The following FARP2 variants were observed in gnomAD, a reference collection of about 807,000 sequenced individuals.
The protein encoded by FARP2 is FERM, ARHGEF and pleckstrin domain-containing protein 2.
FARP2 carries 111 observed loss-of-function variants against 130.5 expected under a neutral mutation model. The observed-to-expected ratio is 0.85, with a 90% CI of 0.73 to 1.00. FARP2 has a LOEUF of 1.00. Ranked by LOEUF, FARP2 falls within the 50% of genes least tolerant of loss-of-function variation. The pLI, the probability that FARP2 is intolerant of heterozygous loss-of-function variation, is 0.00. For synonymous variants in FARP2, 504 were observed against 516.9 expected (o/e 0.98, Z 0.34); for missense variants, 1,385 against 1,346.3 (o/e 1.03, Z -0.45).
At chr2:241,476,113 C>G in intron 19 of FARP2, 126 bp downstream of exon 19, 1 of 766,892 alleles carries the variant, frequency 1.3e-6, no homozygotes, top group Non-Finnish European at 2.0e-6. Context: ...TGGCTCATAC[C>G]TGTAATCTGA....
chr2:241,406,771 AT>A, intron 4 of FARP2, among the ~76,000 whole-genome samples: 1 of 149,812 alleles, frequency 6.7e-6, no homozygotes. Flanking sequence ...GCCTATTTAA[AT>A]TTTTTAATGT....
rs1177173874 is a variant in FARP2, at chr2:241,484,267, G to T, written c.2357G>T (p.Ser786Ile). 3.1e-6 allele frequency: 5 copies of T among 1,614,198 alleles called. No homozygotes were observed. The East Asian group carries it at 1.1e-4, about 36-fold the overall frequency. Residue 786 changes from serine to isoleucine, a missense_variant, in exon 21 of 27, where the codon AGC becomes ATC. Transcript: ENST00000264042. ...FLFSDMLLYTSKGVAGTSHFR... is the reference protein window; with the variant it reads ...FLFSDMLLYTIKGVAGTSHFR... ...TTCTCAGATATGTTGCTGTACACAA[G>T]CAAAGGAGTTGCAGGGACCAGCCAC...
chr2:241,493,596 TG>T (rs1446646168), intron 26 of FARP2, 152 bp downstream of exon 26: 44 of 622,494 alleles, frequency 7.1e-5, no homozygotes, highest in South Asian at 2.0e-4. Flanking sequence ...AGCAATGCTT[TG>T]TTTTTTTTTT....
At chr2:241,449,595 T>G (rs1340393374) in intron 13 of FARP2, among the ~76,000 whole-genome samples, 2 of 152,158 alleles carry the variant, frequency 1.3e-5, no homozygotes, top group Non-Finnish European at 2.9e-5. Context: ...AAGGGAAAAG[T>G]GAAGGTAAGC....
At chr2:241,366,395 A>C (rs903912945) in intron 1 of FARP2, among the ~76,000 whole-genome samples, 1 of 151,884 alleles carries the variant, frequency 6.6e-6, no homozygotes, top group African/African-American at 2.4e-5. Flanking sequence ...TAAAATCAGG[A>C]TACCAGGTTG....
chr2:241,434,746 G>A (rs1559765998), intron 10 of FARP2, among the ~76,000 whole-genome samples: 1 of 152,120 alleles, frequency 6.6e-6, no homozygotes, highest in African/African-American at 2.4e-5. Flanking sequence ...CAGCTACTCG[G>A]GAGGCTGAGG....
chr2:241,447,729 G>A (rs1386487185), intron 13 of FARP2, among the ~76,000 whole-genome samples: 2 of 152,150 alleles, frequency 1.3e-5, no homozygotes, highest in Admixed American at 6.5e-5. Flanking sequence ...GCCAACACGA[G>A]TTTCTGCTGC....
At chr2:241,403,761 A>G in intron 2 of FARP2, 67 bp from the exon 3 acceptor site, 1 of 920,518 alleles carries the variant, frequency 1.1e-6, no homozygotes, top group Non-Finnish European at 1.7e-6. Flanking sequence ...TTTTATGCAC[A>G]GTTTTCATAA....
At chr2:241,432,012 G>GT (rs1295711027) in intron 9 of FARP2, among the ~76,000 whole-genome samples, 2 of 151,938 alleles carry the variant, frequency 1.3e-5, no homozygotes, top group Non-Finnish European at 2.9e-5. Context: ...TAGAGACAGG[G>GT]TTTCTCCATG....
intron 12 of FARP2, among the ~76,000 whole-genome samples, chr2:241,439,959 A>AAAATAAATAAAT (rs781346727): frequency 6.6e-6 from 1 of 152,164 alleles, no homozygotes; most frequent in African/African-American, 2.4e-5. Flanking sequence ...CTTCATCTCA[A>AAAATAAATAAAT]AAATAAATAA....
chr2:241,494,190 C>A lies in FARP2; in HGVS notation c.*65C>A. The A allele has an allele frequency of 1.0e-6, 1 of 982,214 alleles. No individual in the cohort carries two copies. The highest frequency in any genetic ancestry group is 1.4e-6 in the Non-Finnish European group (1 of 690,160). The allele number at this position is 982,214 out of a possible 1,614,324, so 60.8% of individuals were successfully genotyped here. ...AGCAGGACACAGAGGTGACCTCTGT[C>A]CTGAGGCTTCTCAACAGATGGGAAG... On this transcript the variant is annotated 3_prime_UTR_variant, in exon 27 of 27. Transcript: ENST00000264042. This position sits in a 1 kb window ranked among gnomAD's most constrained non-coding sequence, Gnocchi z 4.9.
Position 241,460,411 on chromosome 2 carries a change from G to A in FARP2, c.1588-2112G>A, listed in dbSNP as rs191223415. ...ATCCTCCCAACTCAGGCTCCCAGGA[G>A]CTGGGATTACAGGTGTGACCACCTG... On this transcript the variant is annotated intron_variant, in intron 14 of 26. Transcript: ENST00000264042. Among the ~76,000 whole-genome samples, 42 of 152,068 alleles carry A rather than the reference G, an allele frequency of 2.8e-4. No homozygotes were observed. The East Asian group carries it at 7.2e-3, about 26-fold the overall frequency.
At chr2:241,437,580 C>G (rs182531069) in intron 12 of FARP2, among the ~76,000 whole-genome samples, 5,638 of 152,056 alleles carry the variant, frequency 0.037, 374 homozygotes, top group African/African-American at 0.13. Context: ...ATTCTCATTC[C>G]TCAGCCTCCC....
At chr2:241,453,782 T>TTTTTG (rs2063756318) in intron 13 of FARP2, among the ~76,000 whole-genome samples, 1 of 116,410 alleles carries the variant, frequency 8.6e-6, no homozygotes, top group East Asian at 2.7e-4. Flanking sequence ...TTTTTTTTTT[T>TTTTTG]TTTTTTTTTT....
intron 21 of FARP2, among the ~76,000 whole-genome samples, chr2:241,487,080 G>A (rs987417522): frequency 2.0e-5 from 3 of 152,230 alleles, no homozygotes; most frequent in Non-Finnish European, 4.4e-5. Flanking sequence ...CCATTGGTCT[G>A]TGAGTTTTTT....
chr2:241,413,276 A>C, intron 6 of FARP2, 31 bp from the exon 7 acceptor site: 1 of 1,370,708 alleles, frequency 7.3e-7, no homozygotes, highest in Non-Finnish European at 1.0e-6. Flanking sequence ...GTTTATTTAA[A>C]AATTAGTTAC....
intron 7 of FARP2, among the ~76,000 whole-genome samples, chr2:241,416,459 G>GT (rs562972233): frequency 5.3e-5 from 8 of 150,772 alleles, no homozygotes; most frequent in African/African-American, 1.7e-4. Flanking sequence ...AATCCTTCAG[G>GT]TTTTTTTTTA....
chr2:241,463,375 C>T lies in FARP2; in HGVS notation c.1718C>T (p.Ala573Val), dbSNP rs570188607. The stretch of plus-strand genomic sequence containing the variant: ...GTGGTGAAGGAGGACGCCATGCCTG[C>T]GACTCTGATGACGCTGCTCTTCTCC... ...SAVVKEDAMP[A>V]TLMTLLFSNI... Residue 573 changes from alanine (A) to valine (V), a missense_variant, in exon 16 of 27, where the codon GCG becomes GTG. By Grantham distance (64) the Ala-to-Val change is moderately conservative. Transcript: ENST00000264042. The T allele has an allele frequency of 2.4e-5, 38 of 1,614,090 alleles. No individual in the cohort carries two copies. The highest frequency in any genetic ancestry group is 1.5e-4 in the African/African-American group (11 of 75,050).
chr2:241,431,820 T>G, intron 9 of FARP2, 46 bp downstream of exon 9: 2 of 685,222 alleles, frequency 2.9e-6, no homozygotes, highest in East Asian at 4.0e-5. Context: ...TTTTATTTAT[T>G]TATTTATTTA....
Sources: gnomAD v4.1 joint callset for allele counts (sites outside exome capture counted in the v4.1 genomes callset) on GRCh38, gnomAD v4.1.1 for gene constraint, Gnocchi (gnomAD v3.1) non-coding constraint, MANE v1.5 for transcripts, NCBI Gene and HGNC (gene_info 2026-07-23, HGNC 2026-07-21) for gene names.